ELP4: variants seen among roughly 807,000 people sequenced by gnomAD.
ELP4 encodes elongator complex protein 4.
ELP4 carries 51 observed loss-of-function variants against 48.9 expected under a neutral mutation model. The ratio of observed to expected loss-of-function variants is 1.04; its 90% confidence interval spans 0.83 to 1.32. The LOEUF (loss-of-function observed/expected upper bound fraction) is 1.32, where lower values mean the gene tolerates loss of function less well. ELP4 is among the 40% of genes most tolerant of loss of function. The probability of loss-of-function intolerance (pLI) is 0.00; values close to 1 mark genes in which losing one functional copy is unlikely to be tolerated. For missense variants in ELP4, 519 were observed against 514.6 expected, an observed-to-expected ratio of 1.01 and a Z score of -0.08; for synonymous variants, 210 against 189.2, an observed-to-expected ratio of 1.11 and a Z score of -0.90.
chr11:31,554,770 G>A (rs536353061), intron 3 of ELP4, among the ~76,000 whole-genome samples: 9 of 152,176 alleles, frequency 5.9e-5, no homozygotes, highest in African/African-American at 1.2e-4. Flanking sequence ...CCACTCTGCT[G>A]TCTCTAGTTT....
chr11:31,763,943 C>T (rs551534649), intron 9 of ELP4, among the ~76,000 whole-genome samples: 19 of 151,860 alleles, frequency 1.3e-4, no homozygotes, highest in Non-Finnish European at 2.2e-4. Context: ...TAAGTCATGG[C>T]TATTCTTTAA....
At chr11:31,638,438 C>G (rs1945024776) in intron 7 of ELP4, among the ~76,000 whole-genome samples, 1 of 151,690 alleles carries the variant, frequency 6.6e-6, no homozygotes, top group Non-Finnish European at 1.5e-5. Flanking sequence ...TTGTCATATA[C>G]CCACTGTTTT....
intron 3 of ELP4, among the ~76,000 whole-genome samples, chr11:31,569,119 C>A (rs1174872735): frequency 6.6e-6 from 1 of 151,452 alleles, no homozygotes; most frequent in Admixed American, 6.6e-5. Flanking sequence ...AGAAAAAAAA[C>A]CTAAATCTAA....
intron 1 of ELP4, among the ~76,000 whole-genome samples, chr11:31,513,636 T>C (rs1177571547): frequency 6.6e-6 from 1 of 152,190 alleles, no homozygotes; most frequent in African/African-American, 2.4e-5. Context: ...TATTCTAGTG[T>C]ATTAATTTGA....
chr11:31,600,619 C>T (rs949730796), intron 4 of ELP4: 1 of 152,122 alleles, frequency 6.6e-6, no homozygotes, highest in Non-Finnish European at 1.5e-5. Context: ...CATTTACATA[C>T]TACTTCACAA....
intron 3 of ELP4, 49 bp downstream of exon 3, chr11:31,539,832 A>C: frequency 4.7e-6 from 7 of 1,500,964 alleles, no homozygotes; most frequent in Non-Finnish European, 6.3e-6. Flanking sequence ...TTCATGAAAA[A>C]ATATTGTTTA....
At chr11:31,674,769 A>T (rs901034516) in intron 9 of ELP4, among the ~76,000 whole-genome samples, 4 of 152,220 alleles carry the variant, frequency 2.6e-5, no homozygotes, top group African/African-American at 9.6e-5. Flanking sequence ...TTTCTCTCAA[A>T]CCTGAAGGCA....
chr11:31,644,158 T>G (rs914812402), intron 7 of ELP4, among the ~76,000 whole-genome samples: 3 of 151,760 alleles, frequency 2.0e-5, no homozygotes, highest in African/African-American at 7.3e-5. Flanking sequence ...CCATCCTACA[T>G]TTTAATATCC....
intron 5 of ELP4, among the ~76,000 whole-genome samples, chr11:31,612,436 A>G (rs149246747): frequency 6.6e-6 from 1 of 152,168 alleles, no homozygotes; most frequent in African/African-American, 2.4e-5. Context: ...GTGCCAGTCT[A>G]TCAGATTGTG....
intron 9 of ELP4, among the ~76,000 whole-genome samples, chr11:31,693,645 A>G (rs1463497723): frequency 6.6e-6 from 1 of 152,232 alleles, no homozygotes; most frequent in Admixed American, 6.5e-5. Flanking sequence ...TCTTTATAGC[A>G]GCATGATTTG....
chr11:31,613,034 C>T (rs1177950882), intron 5 of ELP4, among the ~76,000 whole-genome samples: 3 of 152,096 alleles, frequency 2.0e-5, no homozygotes, highest in Non-Finnish European at 4.4e-5. Context: ...GAAATTCCGT[C>T]GTGCTTTGGA....
intron 7 of ELP4, chr11:31,646,028 G>T (rs1371632149): frequency 2.0e-5 from 3 of 151,618 alleles, no homozygotes; most frequent in African/African-American, 7.3e-5. Context: ...GGATGAGTTT[G>T]ATATAATGGT....
intron 7 of ELP4, among the ~76,000 whole-genome samples, chr11:31,635,104 G>A (rs534983411): frequency 8.6e-5 from 13 of 151,856 alleles, no homozygotes; most frequent in Non-Finnish European, 1.8e-4. Context: ...TATAAAACTT[G>A]TACTTGTTCA....
chr11:31,745,266 C>G (rs2134228357), intron 9 of ELP4, among the ~76,000 whole-genome samples: 1 of 152,276 alleles, frequency 6.6e-6, no homozygotes, highest in East Asian at 1.9e-4. Context: ...GAAGAACATT[C>G]CATGCTCATG....
chr11:31,673,214 G>A (rs757565853), intron 9 of ELP4, among the ~76,000 whole-genome samples: 3 of 151,852 alleles, frequency 2.0e-5, no homozygotes, highest in South Asian at 2.1e-4. Flanking sequence ...ATGGGGTTTC[G>A]CCATGTTGGC....
chr11:31,669,120 G>A (rs1047917408), intron 9 of ELP4, among the ~76,000 whole-genome samples: 1 of 150,616 alleles, frequency 6.6e-6, no homozygotes, highest in Non-Finnish European at 1.5e-5. Context: ...TTTATTTTGG[G>A]ATGGAGTCTC....
chr11:31,750,476 A>G (rs922039413), intron 9 of ELP4, among the ~76,000 whole-genome samples: 1 of 151,990 alleles, frequency 6.6e-6, no homozygotes, highest in Non-Finnish European at 1.5e-5. Context: ...TCTTTCCCTC[A>G]GGCTACCTGG....
In ELP4 at chr11:31,713,926, A is replaced by G. The variant is rs375509582; in HGVS notation, c.1143+63705A>G. On this transcript the variant is annotated intron_variant, in intron 9 of 9. Coordinates refer to ENST00000640961, the MANE Select transcript of ELP4 (RefSeq NM_019040.5). The stretch of plus-strand genomic sequence containing the variant: ...CAAATAACAAACAATAATGTGCAAT[A>G]GAAGCTAAAATGTAGTTAGAGAATA... Among the ~76,000 whole-genome samples, 342 of 152,328 alleles carry G rather than the reference A, an allele frequency of 2.2e-3. 12 individuals are homozygous for G. The South Asian group carries it at 0.068, about 30-fold the overall frequency.
intron 3 of ELP4, among the ~76,000 whole-genome samples, chr11:31,550,002 G>A (rs997628112): frequency 1.3e-5 from 2 of 152,100 alleles, no homozygotes; most frequent in South Asian, 2.1e-4. Context: ...GGGGTAGGGG[G>A]GAGGGATAGC....
Sources: allele counts gnomAD v4.1 joint callset (sites outside exome capture counted in the v4.1 genomes callset), GRCh38; gene constraint gnomAD v4.1.1; transcripts MANE v1.5; gene names NCBI Gene and HGNC (gene_info 2026-07-23, HGNC 2026-07-21).